The following CNBD1 variants were observed in gnomAD, a reference collection of about 807,000 sequenced individuals.
CNBD1 encodes the protein cyclic nucleotide-binding domain-containing protein 1.
A neutral mutation model predicts 54.4 loss-of-function variants in CNBD1; 71 were observed. The observed-to-expected ratio is 1.30, with a 90% CI of 1.08 to 1.59. The LOEUF (loss-of-function observed/expected upper bound fraction) is 1.59. CNBD1 is among the 40% of genes most tolerant of loss of function. CNBD1 has a pLI of 0.00. For missense variants in CNBD1, 659 were observed against 518.0 expected (o/e 1.27, Z -2.64); for synonymous variants, 182 against 170.7 (o/e 1.07, Z -0.51).
intron 4 of CNBD1, among the ~76,000 whole-genome samples, chr8:86,975,304 T>G (rs553458237): frequency 6.6e-6 from 1 of 152,154 alleles, no homozygotes; most frequent in South Asian, 2.1e-4. Flanking sequence ...TATTATTAAC[T>G]GTGCAATAGA....
At chr8:87,413,468 G>T (rs1807781648) in intron 2 of CNBD1, among the ~76,000 whole-genome samples, 1 of 151,950 alleles carries the variant, frequency 6.6e-6, no homozygotes. Flanking sequence ...AGTTTAATTG[G>T]TGAGCCTAAA....
chr8:87,114,602 G>T (rs1216452730), intron 4 of CNBD1, among the ~76,000 whole-genome samples: 2 of 152,044 alleles, frequency 1.3e-5, no homozygotes. Context: ...CGCCCAGTGT[G>T]GCCTCCCAAA....
At chr8:87,381,059 C>T (rs1811062757) in intron 10 of CNBD1, among the ~76,000 whole-genome samples, 1 of 151,916 alleles carries the variant, frequency 6.6e-6, no homozygotes, top group Non-Finnish European at 1.5e-5. Context: ...AACTAGAAAA[C>T]GTTTGCACAG....
chr8:87,199,621 A>T (rs1813809666), intron 4 of CNBD1, among the ~76,000 whole-genome samples: 1 of 152,202 alleles, frequency 6.6e-6, no homozygotes, highest in Admixed American at 6.5e-5. Context: ...TATGCTGTAC[A>T]GTAGATTGCT....
At chr8:87,382,345 C>A (rs1811095126) in intron 10 of CNBD1, among the ~76,000 whole-genome samples, 1 of 151,780 alleles carries the variant, frequency 6.6e-6, no homozygotes, top group African/African-American at 2.4e-5. Context: ...AATATTACTA[C>A]AGAAAACATA....
intron 2 of CNBD1, among the ~76,000 whole-genome samples, chr8:87,422,514 C>A (rs891012307): frequency 6.6e-6 from 1 of 151,776 alleles, no homozygotes; most frequent in Admixed American, 6.6e-5. Flanking sequence ...TTCCCAGCAC[C>A]ATTTATTAAA....
intron 4 of CNBD1, among the ~76,000 whole-genome samples, chr8:87,098,346 T>C (rs1178526028): frequency 6.6e-6 from 1 of 152,194 alleles, no homozygotes; most frequent in Non-Finnish European, 1.5e-5. Flanking sequence ...GTGAACAAAA[T>C]AGAGAGGTAG....
intron 4 of CNBD1, among the ~76,000 whole-genome samples, chr8:86,982,455 T>C (rs1039383316): frequency 6.6e-6 from 1 of 152,218 alleles, no homozygotes; most frequent in East Asian, 1.9e-4. Flanking sequence ...TCCATTTTAA[T>C]TGGCTATTTA....
intron 4 of CNBD1, among the ~76,000 whole-genome samples, chr8:86,959,948 T>G: frequency 7.4e-6 from 1 of 135,098 alleles, no homozygotes; most frequent in South Asian, 2.6e-4. Flanking sequence ...TTTCAGAATT[T>G]TCAGCTTTTC....
At chr8:87,172,698 CT>C (rs1412216571) in intron 4 of CNBD1, among the ~76,000 whole-genome samples, 3 of 151,854 alleles carry the variant, frequency 2.0e-5, no homozygotes, top group Admixed American at 6.6e-5. Context: ...TACTCCTGTT[CT>C]TTTTTTCATT....
At chr8:87,427,428 C>A (rs16868492) in intron 2 of CNBD1, among the ~76,000 whole-genome samples, 1 of 151,836 alleles carries the variant, frequency 6.6e-6, no homozygotes, top group South Asian at 2.1e-4. Flanking sequence ...ATAGGTTTAC[C>A]GATATGTAGT....
At chr8:87,150,132 G>A (rs1812573386) in intron 4 of CNBD1, among the ~76,000 whole-genome samples, 1 of 152,048 alleles carries the variant, frequency 6.6e-6, no homozygotes, top group Admixed American at 6.5e-5. Context: ...AGCCGAGATG[G>A]CACCACTGCA....
chr8:87,289,778 C>A (rs1808755075), intron 8 of CNBD1, among the ~76,000 whole-genome samples: 1 of 152,130 alleles, frequency 6.6e-6, no homozygotes. Context: ...GGCTCTACAT[C>A]CCTTCAATTT....
intron 10 of CNBD1, among the ~76,000 whole-genome samples, chr8:87,369,864 C>T (rs372680815): frequency 1.3e-5 from 2 of 152,094 alleles, no homozygotes; most frequent in South Asian, 2.1e-4. Context: ...CTCCTATATG[C>T]TATCCCTCCC....
rs1195217861 is a variant in CNBD1, at chr8:87,382,611, C to T, written c.1304-9C>T. The T allele has an allele frequency of 6.5e-7, 1 of 1,536,888 alleles. No homozygotes were observed. Among genetic ancestry groups the T allele is most frequent in the African/African-American group, 1.4e-5 (1 of 72,766 alleles). On this transcript the variant is annotated splice_polypyrimidine_tract_variant and intron_variant, in intron 10 of 10. Coordinates refer to ENST00000518476, the MANE Select transcript of CNBD1 (RefSeq NM_173538.3). ...TGTAACTTCTTGTTTGTTTGTTTGC[C>T]TTTTGCAGTGGCCTAGATCTAGAAA...
intron 10 of CNBD1, among the ~76,000 whole-genome samples, chr8:87,369,380 T>A (rs948020462): frequency 6.6e-6 from 1 of 152,038 alleles, no homozygotes; most frequent in African/African-American, 2.4e-5. Flanking sequence ...TGTTTTATAC[T>A]TACCTATGTA....
At chr8:87,344,396 G>T (rs1056138114) in intron 8 of CNBD1, among the ~76,000 whole-genome samples, 6 of 151,946 alleles carry the variant, frequency 3.9e-5, no homozygotes, top group African/African-American at 9.7e-5. Flanking sequence ...TTTAAAAATA[G>T]AAATGGATTT....
chr8:87,264,526 G>T (rs1206811776), intron 6 of CNBD1, among the ~76,000 whole-genome samples: 1 of 151,992 alleles, frequency 6.6e-6, no homozygotes, highest in African/African-American at 2.4e-5. Flanking sequence ...TAATGGGATG[G>T]CTGGGTCAAA....
At chr8:87,062,389 C>T (rs1176040487) in intron 4 of CNBD1, among the ~76,000 whole-genome samples, 2 of 151,388 alleles carry the variant, frequency 1.3e-5, no homozygotes, top group African/African-American at 2.4e-5. Flanking sequence ...AAAAAATGGA[C>T]ATTTTTTAAC....
Sources: allele counts gnomAD v4.1 joint callset (sites outside exome capture counted in the v4.1 genomes callset), GRCh38; gene constraint gnomAD v4.1.1; transcripts MANE v1.5; gene names NCBI Gene and HGNC (gene_info 2026-07-23, HGNC 2026-07-21).